The following EPB41L3 variants were observed in gnomAD, a reference collection of about 807,000 sequenced individuals.
EPB41L3 encodes band 4.1-like protein 3.
A neutral mutation model predicts 127.1 loss-of-function variants in EPB41L3; 57 were observed. That is an observed-to-expected ratio of 0.45 (90% CI 0.36 to 0.56). The LOEUF (loss-of-function observed/expected upper bound fraction) is 0.56. Among genes scored for constraint, EPB41L3 ranks in the 20% least tolerant of loss-of-function variants. EPB41L3 has a pLI of 0.00. For missense variants in EPB41L3, 1,273 were observed against 1,372.2 expected (o/e 0.93, Z 1.14); for synonymous variants, 572 against 549.5 (o/e 1.04, Z -0.57).
chr18:5,411,296 A>C (rs2076164896), intron 13 of EPB41L3, among the ~76,000 whole-genome samples: 1 of 152,222 alleles, frequency 6.6e-6, no homozygotes, highest in Non-Finnish European at 1.5e-5. Flanking sequence ...CCACCCTCCA[A>C]TATAAAGAAG....
At chr18:5,595,523 C>T (rs1156506049) in intron 3 of EPB41L3, among the ~76,000 whole-genome samples, 4 of 152,268 alleles carry the variant, frequency 2.6e-5, no homozygotes, top group South Asian at 2.1e-4. Context: ...GGCCATCTCA[C>T]GTGCCATGTC....
intron 1 of EPB41L3, among the ~76,000 whole-genome samples, chr18:5,492,694 T>A (rs72868425): frequency 0.05 from 7,652 of 152,308 alleles, 330 homozygotes; most frequent in Non-Finnish European, 0.076. Context: ...TAGTTTTGAC[T>A]GAAACTGTCC....
intron 8 of EPB41L3, among the ~76,000 whole-genome samples, chr18:5,433,012 G>A (rs1610066): frequency 0.79 from 120,323 of 152,206 alleles, 50,792 homozygotes; most frequent in East Asian, 0.93. Context: ...ACAATCGGCT[G>A]AGTTCGGACA....
At chr18:5,486,926 T>C (rs9950508) in intron 2 of EPB41L3, among the ~76,000 whole-genome samples, 16,747 of 152,112 alleles carry the variant, frequency 0.11, 2,055 homozygotes, top group African/African-American at 0.3. Context: ...GGAGGTTCCT[T>C]GAAAACTAAA....
At chr18:5,623,954 T>TA (rs916552384) in intron 1 of EPB41L3, among the ~76,000 whole-genome samples, 70 of 151,132 alleles carry the variant, frequency 4.6e-4, no homozygotes, top group Middle Eastern at 3.4e-3. Context: ...TCATTTTTAA[T>TA]AAAAAAAAAT....
At chr18:5,521,377 T>C (rs539431719) in intron 1 of EPB41L3, 1 of 152,178 alleles carries the variant, frequency 6.6e-6, no homozygotes, top group African/African-American at 2.4e-5. Flanking sequence ...TAGGCTAACA[T>C]TCAGCTCATC....
chr18:5,541,694 T>C (rs1314126189), intron 1 of EPB41L3, among the ~76,000 whole-genome samples: 2 of 152,226 alleles, frequency 1.3e-5, no homozygotes, highest in African/African-American at 2.4e-5. Flanking sequence ...CCAAGCAGTG[T>C]ACATGAACTG....
At chr18:5,404,032 G>A (rs1199687796) in intron 16 of EPB41L3, among the ~76,000 whole-genome samples, 4 of 152,142 alleles carry the variant, frequency 2.6e-5, no homozygotes, top group African/African-American at 9.7e-5. Flanking sequence ...TTTCTGGTTT[G>A]TTCTGAAGGC....
intron 3 of EPB41L3, among the ~76,000 whole-genome samples, chr18:5,580,352 CAT>C (rs1036125167): frequency 2.0e-5 from 3 of 152,084 alleles, no homozygotes; most frequent in Admixed American, 6.5e-5. Context: ...TACTCATACA[CAT>C]GTGTATAGGC....
rs141077195 is a variant in EPB41L3, at chr18:5,525,039, G to A, written c.-12+18874C>T. Among the ~76,000 whole-genome samples, 23 of 152,232 alleles carry A rather than the reference G, an allele frequency of 1.5e-4. No individual in the cohort carries two copies. The East Asian group carries it at 1.9e-3, about 13-fold the overall frequency. ...GTTCTTCATTTCTAATCATTCATTC[G>A]TGGCAGAAAACCCAGTTTTAACACA... is the stretch of plus-strand genomic sequence containing the variant. On this transcript the variant is annotated intron_variant, in intron 1 of 22. Coordinates refer to ENST00000341928, the MANE Select transcript of EPB41L3 (RefSeq NM_012307.5).
intron 1 of EPB41L3, among the ~76,000 whole-genome samples, chr18:5,626,889 G>T (rs2094928513): frequency 6.6e-6 from 1 of 152,170 alleles, no homozygotes; most frequent in Admixed American, 6.6e-5. Flanking sequence ...TTTGGGATTG[G>T]AGGTAGCATG....
intron 16 of EPB41L3, among the ~76,000 whole-genome samples, chr18:5,404,145 C>G (rs555581297): frequency 1.6e-4 from 25 of 152,178 alleles, no homozygotes; most frequent in Non-Finnish European, 3.5e-4. Context: ...CCTGGCCCTG[C>G]TGCCATGGGG....
intron 3 of EPB41L3, among the ~76,000 whole-genome samples, chr18:5,606,086 C>G (rs1013498239): frequency 1.3e-5 from 2 of 152,132 alleles, no homozygotes; most frequent in Non-Finnish European, 2.9e-5. Flanking sequence ...GTAATAGCAT[C>G]AGGGAAAAAC....
intron 3 of EPB41L3, among the ~76,000 whole-genome samples, chr18:5,461,374 G>A (rs1479116491): frequency 6.6e-6 from 1 of 152,138 alleles, no homozygotes. Flanking sequence ...ATGTCTATAA[G>A]CAGCAGCAGG....
chr18:5,570,192 C>T (rs1006744956), intron 3 of EPB41L3: 1 of 152,088 alleles, frequency 6.6e-6, no homozygotes, highest in Non-Finnish European at 1.5e-5. Flanking sequence ...CTTTTACCAT[C>T]CTCTGTCACC....
chr18:5,548,158 A>G (rs1411410954), upstream of EPB41L3, among the ~76,000 whole-genome samples: 1 of 152,220 alleles, frequency 6.6e-6, no homozygotes, highest in Non-Finnish European at 1.5e-5. Context: ...AAATCAGGAT[A>G]TAAAGTCTTC....
chr18:5,515,350 A>G (rs1227492372), intron 1 of EPB41L3, among the ~76,000 whole-genome samples: 1 of 152,210 alleles, frequency 6.6e-6, no homozygotes, highest in Non-Finnish European at 1.5e-5. Context: ...GGTAGCAAAT[A>G]TGAATTCTTC....
intron 3 of EPB41L3, 78 bp from the exon 4 acceptor site, chr18:5,445,322 AAT>A: frequency 8.7e-7 from 1 of 1,151,346 alleles, no homozygotes; most frequent in Non-Finnish European, 1.3e-6. Flanking sequence ...AAAACCAGGT[AAT>A]ATTTAAAACA....
chr18:5,498,243 T>C (rs1193983788), intron 1 of EPB41L3, among the ~76,000 whole-genome samples: 1 of 152,216 alleles, frequency 6.6e-6, no homozygotes, highest in Non-Finnish European at 1.5e-5. Flanking sequence ...AATATTCCAA[T>C]TGAGCTTCCT....
Sources: allele counts gnomAD v4.1 joint callset (sites outside exome capture counted in the v4.1 genomes callset), GRCh38; gene constraint gnomAD v4.1.1; transcripts MANE v1.5; gene names NCBI Gene and HGNC (gene_info 2026-07-23, HGNC 2026-07-21).